Variants in ZNF117 observed in about 807,000 individuals in gnomAD.
ZNF117 encodes the protein zinc finger protein 117, also known as Krueppel-related zinc finger protein.
Under a neutral mutation model 41.2 loss-of-function variants are expected in ZNF117, and 37 were observed. The ratio of observed to expected loss-of-function variants is 0.90; its 90% CI spans 0.69 to 1.18. The LOEUF (loss-of-function observed/expected upper bound fraction) is 1.18, where lower values mean the gene tolerates loss of function less well. ZNF117 is among the 50% of genes most tolerant of loss of function. The pLI is 0.00. For missense variants in ZNF117, 546 were observed against 557.5 expected (o/e 0.98, Z 0.21); for synonymous variants, 186 against 186.6 (o/e 1.00, Z 0.02).
At chr7:64,982,190 T>A, upstream of ZNF117, 1 of 541,316 alleles carries the variant, frequency 1.8e-6, no homozygotes. Context: ...TAATTTTAAA[T>A]TTCAAGGTAA....
At chr7:64,979,485 T>A (rs773812086) in exon 3 of ZNF117, 1 of 1,579,672 alleles carries the variant, frequency 6.3e-7, no homozygotes, top group South Asian at 1.2e-5. Flanking sequence ...CTGGAAAGAA[T>A]CTCTTATGTT....
At chr7:64,979,447 A>C in exon 3 of ZNF117, 1 of 1,609,168 alleles carries the variant, frequency 6.2e-7, no homozygotes, top group South Asian at 1.1e-5. Context: ...TCATATCCAC[A>C]TTTTCTATAT....
At chr7:64,973,837 A>G (rs1785821661), downstream of ZNF117, 3 of 151,676 alleles carry the variant, frequency 2.0e-5, no homozygotes, top group Non-Finnish European at 1.5e-5. Flanking sequence ...TGCAGCATGG[A>G]AAAAAAATGT....
At chr7:64,982,834 TAAAGA>T (rs1786060107), upstream of ZNF117, among the ~76,000 whole-genome samples, 1 of 152,210 alleles carries the variant, frequency 6.6e-6, no homozygotes, top group African/African-American at 2.4e-5. Flanking sequence ...ATAATTATAG[TAAAGA>T]AATCTGTCCA....
chr7:64,979,283 T>C lies in ZNF117; in HGVS notation c.288A>G (p.Ser96=). 1.9e-6 allele frequency: 3 copies of C among 1,590,716 alleles called. 1 individual carries two copies. The highest frequency in any genetic ancestry group is 2.3e-5 in the South Asian group (2 of 86,578). ...CAGTATGTCTCATCTTGTGTCTATT[T>C]GAATTTGAAATTTTATGGAAAACTT... Residue 96 remains serine, a synonymous_variant, in exon 3 of 3, where the codon TCA becomes TCG. Transcript: ENST00000620222.
rs761325022 is a variant in ZNF117, at chr7:64,981,383, T to C, written c.34+4A>G. On this transcript the variant is annotated splice_donor_region_variant and intron_variant, in intron 2 of 2. Transcript: ENST00000620222. ...GTGCCATCTGTGTATTCACTCTCAC[T>C]TACCTAAATGTTTAGCTACCATCTC... 3 of 1,613,118 alleles carry C rather than the reference T, an allele frequency of 1.9e-6. No homozygotes were observed. Among genetic ancestry groups the C allele is most frequent in the Admixed American group, 3.3e-5 (2 of 59,958 alleles).
intron 1 of ZNF117, among the ~76,000 whole-genome samples, chr7:64,989,443 TTATATATATATATATATATATATA>T (rs58009024): frequency 0.036 from 1,806 of 49,490 alleles, 69 homozygotes; most frequent in South Asian, 0.077. Flanking sequence ...GAACTTAAAA[TTATATATATATATATATATATATA>T]TATATATATA....
chr7:64,976,781 T>C (rs538367533), exon 3 of ZNF117: 1 of 370,738 alleles, frequency 2.7e-6, no homozygotes, highest in Non-Finnish European at 5.3e-6. Flanking sequence ...AGTTTGAAGG[T>C]GTTGTCAAAA....
chr7:64,982,491 G>A (rs553035577), upstream of ZNF117, among the ~76,000 whole-genome samples: 5 of 152,124 alleles, frequency 3.3e-5, no homozygotes, highest in Non-Finnish European at 5.9e-5. Context: ...AAGGTACCTC[G>A]CAAGTTTTAA....
At chr7:64,989,486 T>TATATATATATATATAC (rs1786213746) in intron 1 of ZNF117, among the ~76,000 whole-genome samples, 2 of 74,640 alleles carry the variant, frequency 2.7e-5, no homozygotes, top group Non-Finnish European at 5.8e-5. Flanking sequence ...TATATATATA[T>TATATATATATATATAC]ATATATATAT....
chr7:64,981,009 C>A, intron 2 of ZNF117: 1 of 220,086 alleles, frequency 4.5e-6, no homozygotes, highest in Non-Finnish European at 8.9e-6. Flanking sequence ...ACTACTCACA[C>A]ATTTCAGACT....
At chr7:64,982,098 C>T in exon 1 of ZNF117, 1 of 958,822 alleles carries the variant, frequency 1.0e-6, no homozygotes. Flanking sequence ...ATGGCCACAT[C>T]CATAAATGTC....
At position 64,990,476 on chromosome 7, in the gene ZNF117, G is replaced by A. The variant is rs1027341591; in HGVS notation, c.-725C>T. The A allele has an allele frequency of 5.0e-5, 9 of 181,062 alleles. No individual in the cohort carries two copies. Among genetic ancestry groups the A allele is most frequent in the Non-Finnish European group, 9.3e-5 (8 of 86,226 alleles). 11.2% of individuals were successfully genotyped at this position (181,062 alleles called of 1,614,324 possible). A position where few individuals can be genotyped will look rare whatever the true frequency, so the allele number is the denominator to read the frequency against. ...TACATGCATCAGGCAGGGGCAAGTC[G>A]GGTTTTTGGCGCAAAACCTGCGAGG... is the stretch of plus-strand genomic sequence containing the variant. On this transcript the variant is annotated 5_prime_UTR_variant, in exon 1 of 4. It introduces an in-frame stop codon into an upstream open reading frame of the 5' UTR. Transcript: ENST00000282869.
At chr7:64,982,838 G>C (rs1158605315), upstream of ZNF117, among the ~76,000 whole-genome samples, 1 of 152,170 alleles carries the variant, frequency 6.6e-6, no homozygotes, top group Non-Finnish European at 1.5e-5. Flanking sequence ...TTATAGTAAA[G>C]AAATCTGTCC....
At chr7:64,974,220 T>A (rs1226048287), downstream of ZNF117, 1 of 151,886 alleles carries the variant, frequency 6.6e-6, no homozygotes, top group Non-Finnish European at 1.5e-5. Flanking sequence ...TTATCTTGTG[T>A]GCAGTACTGA....
exon 3 of ZNF117, chr7:64,977,337 A>C (rs1785913630): frequency 2.4e-6 from 1 of 414,100 alleles, no homozygotes; most frequent in South Asian, 1.9e-5. Context: ...AGTGTGAATT[A>C]TCTTATATGT....
exon 3 of ZNF117, chr7:64,977,507 T>G (rs984130848): frequency 3.9e-6 from 2 of 511,388 alleles, no homozygotes; most frequent in African/African-American, 3.9e-5. Context: ...TATGAATTCT[T>G]TTATGTATAG....
At chr7:64,988,940 A>G (rs919893636) in intron 1 of ZNF117, among the ~76,000 whole-genome samples, 15 of 152,192 alleles carry the variant, frequency 9.9e-5, no homozygotes, top group Non-Finnish European at 4.4e-5. Context: ...TAAATAAATC[A>G]TATATGACAC....
chr7:64,975,544 T>G (rs1785866381), exon 3 of ZNF117: 1 of 151,150 alleles, frequency 6.6e-6, no homozygotes, highest in Admixed American at 6.6e-5. Context: ...GTCTCATATC[T>G]TTGATGAAGC....
Sources: gnomAD v4.1 joint callset for allele counts (sites outside exome capture counted in the v4.1 genomes callset) on GRCh38, gnomAD v4.1.1 for gene constraint, MANE v1.5 for transcripts, NCBI Gene and HGNC (gene_info 2026-07-23, HGNC 2026-07-21) for gene names.